The following AGPAT5 variants were observed in gnomAD, a reference collection of about 807,000 sequenced individuals.
AGPAT5 encodes 1-acylglycerol-3-phosphate O-acyltransferase 5.
A neutral mutation model predicts 45.6 loss-of-function variants in AGPAT5; 46 were observed. The observed-to-expected ratio is 1.01, with a 90% CI of 0.80 to 1.29. The LOEUF (loss-of-function observed/expected upper bound fraction) is 1.29, where lower values mean the gene tolerates loss of function less well. AGPAT5 is among the 50% of genes most tolerant of loss of function. The pLI, the probability that AGPAT5 is intolerant of heterozygous loss-of-function variation, is 0.00. For synonymous variants in AGPAT5, 272 were observed against 167.0 expected, an observed-to-expected ratio of 1.63 and a Z score of -4.85; for missense variants, 673 against 450.7, an observed-to-expected ratio of 1.49 and a Z score of -4.47.
At chr8:6,733,270 A>G (rs1800933008) in intron 4 of AGPAT5, among the ~76,000 whole-genome samples, 1 of 152,138 alleles carries the variant, frequency 6.6e-6, no homozygotes, top group African/African-American at 2.4e-5. Flanking sequence ...AGTACATGAC[A>G]TGTGCTCAGA....
intron 2 of AGPAT5, among the ~76,000 whole-genome samples, chr8:6,730,254 A>G (rs1800816651): frequency 6.6e-6 from 1 of 151,712 alleles, no homozygotes; most frequent in Admixed American, 6.6e-5. Flanking sequence ...AAAAAACAGA[A>G]AATGTATATT....
chr8:6,741,368 C>G (rs953777118), intron 4 of AGPAT5, among the ~76,000 whole-genome samples: 7 of 152,090 alleles, frequency 4.6e-5, no homozygotes, highest in African/African-American at 1.7e-4. Context: ...GTTTCATGGC[C>G]TATTTTTAAT....
intron 1 of AGPAT5, among the ~76,000 whole-genome samples, chr8:6,722,086 G>A (rs1800521953): frequency 6.6e-6 from 1 of 152,122 alleles, no homozygotes; most frequent in South Asian, 2.1e-4. Context: ...TCCCAGGGGT[G>A]GTAAATTGTG....
chr8:6,736,015 G>T (rs946159312), intron 4 of AGPAT5, among the ~76,000 whole-genome samples: 4 of 151,824 alleles, frequency 2.6e-5, no homozygotes, highest in African/African-American at 9.7e-5. Context: ...CGCCATGCCC[G>T]GCTAATTTTT....
chr8:6,742,424 C>T (rs1009767037), intron 5 of AGPAT5, among the ~76,000 whole-genome samples: 2 of 152,184 alleles, frequency 1.3e-5, no homozygotes, highest in African/African-American at 4.8e-5. Flanking sequence ...AAAACAGTGG[C>T]TATGCTATGT....
chr8:6,739,811 G>T (rs1157070205), intron 4 of AGPAT5, among the ~76,000 whole-genome samples: 1 of 152,020 alleles, frequency 6.6e-6, no homozygotes, highest in African/African-American at 2.4e-5. Context: ...TGGTGTGAGG[G>T]AAATCCTTTC....
intron 1 of AGPAT5, among the ~76,000 whole-genome samples, chr8:6,719,950 T>C (rs944769868): frequency 6.6e-6 from 1 of 152,160 alleles, no homozygotes; most frequent in Non-Finnish European, 1.5e-5. Flanking sequence ...TGACTCTCGA[T>C]TGAAGAGAAG....
rs141376267 is a variant in AGPAT5 at position 6,737,713 on chromosome 8, T to C, written c.496-3948T>C. ...GGAGGCAGCCTGGTGGATAAGAGTA[T>C]TGGTTTTGAAATTAGATTCAGGTTT... On this transcript the variant is annotated intron_variant, in intron 4 of 7. Coordinates refer to ENST00000285518, the MANE Select transcript of AGPAT5 (RefSeq NM_018361.5). 3.9e-5 allele frequency among the ~76,000 whole-genome samples: 6 copies of C among 152,352 alleles called. No individual in the cohort carries two copies. In the South Asian group the frequency reaches 6.2e-4, roughly 16 times the overall value.
intron 3 of AGPAT5, 98 bp downstream of exon 3, chr8:6,730,924 A>G (rs1237454287): frequency 8.2e-6 from 6 of 728,620 alleles, no homozygotes; most frequent in Non-Finnish European, 1.3e-5. Flanking sequence ...GGCTGAGTGC[A>G]GTGGTGTGAA....
intron 7 of AGPAT5, among the ~76,000 whole-genome samples, chr8:6,755,557 G>C (rs1364643642): frequency 6.6e-6 from 1 of 152,204 alleles, no homozygotes; most frequent in Admixed American, 6.5e-5. Flanking sequence ...GCGCAGAAAA[G>C]CAAGGGAGGG....
chr8:6,722,959 A>T (rs1800558259), intron 1 of AGPAT5, among the ~76,000 whole-genome samples: 2 of 152,224 alleles, frequency 1.3e-5, no homozygotes. Context: ...GAAAAGCCGT[A>T]TGTTTTCTTG....
intron 1 of AGPAT5, among the ~76,000 whole-genome samples, chr8:6,724,495 C>T (rs142159035): frequency 0.01 from 1,527 of 152,196 alleles, 21 homozygotes; most frequent in African/African-American, 0.035. Flanking sequence ...ATAGTATTTG[C>T]GTTATGTCTC....
chr8:6,709,605 G>A (rs564947077), intron 1 of AGPAT5: 3 of 151,648 alleles, frequency 2.0e-5, no homozygotes, highest in African/African-American at 7.2e-5. Context: ...TTCTCAGTTT[G>A]AAAGAACAGC....
chr8:6,760,836 T>C lies in AGPAT5; in HGVS notation c.*3448T>C, dbSNP rs1259823642. 6.6e-6 allele frequency among the ~76,000 whole-genome samples: 1 copy of C among 152,234 alleles called. No individual in the cohort carries two copies. Among genetic ancestry groups the C allele is most frequent in the Non-Finnish European group, 1.5e-5 (1 of 68,040 alleles). On this transcript the variant is annotated 3_prime_UTR_variant, in exon 8 of 8. Transcript: ENST00000285518. Reference sequence around the variant, plus strand: ...ATCATTAGAATCAAAATTAGTACTTTGGTCAAAATATTTACAACATTCACA... The same window carrying C: ...ATCATTAGAATCAAAATTAGTACTTCGGTCAAAATATTTACAACATTCACA...
intron 3 of AGPAT5, among the ~76,000 whole-genome samples, chr8:6,732,158 A>T (rs1014828518): frequency 1.6e-5 from 2 of 125,678 alleles, no homozygotes; most frequent in African/African-American, 3.4e-5. Context: ...TTGATTTTTT[A>T]AAATCCCTAA....
intron 1 of AGPAT5, among the ~76,000 whole-genome samples, chr8:6,711,533 A>C (rs1311060288): frequency 6.6e-6 from 1 of 152,202 alleles, no homozygotes; most frequent in Non-Finnish European, 1.5e-5. Context: ...GTAATTTGAG[A>C]CTATTGAAAA....
At chr8:6,715,536 GC>G (rs1437703806) in intron 1 of AGPAT5, among the ~76,000 whole-genome samples, 4 of 152,132 alleles carry the variant, frequency 2.6e-5, no homozygotes, top group African/African-American at 9.7e-5. Context: ...TACAAAGTAG[GC>G]ACCATTCTTC....
At chr8:6,717,117 G>C (rs1030276068) in intron 1 of AGPAT5, among the ~76,000 whole-genome samples, 2 of 152,206 alleles carry the variant, frequency 1.3e-5, no homozygotes, top group African/African-American at 4.8e-5. Flanking sequence ...TTCTCACGCA[G>C]CCAGCAGTGC....
rs1801621046 is a variant in AGPAT5, at chr8:6,750,413, A to G, written c.745+2585A>G. Reference sequence around the variant, plus strand: ...ATTACAAATTGTCTCCTTTTGAAAGATTGACCTTTCTGACTTACCCAGATA... The same window carrying G: ...ATTACAAATTGTCTCCTTTTGAAAGGTTGACCTTTCTGACTTACCCAGATA... On this transcript the variant is annotated intron_variant, in intron 6 of 7. Coordinates refer to ENST00000285518, the MANE Select transcript of AGPAT5 (RefSeq NM_018361.5). Among the ~76,000 whole-genome samples the G allele has an allele frequency of 2.0e-5, 3 of 152,224 alleles. No homozygotes were observed. The East Asian group carries it at 5.8e-4, about 29-fold the overall frequency.
Sources: gnomAD v4.1 joint callset for allele counts (sites outside exome capture counted in the v4.1 genomes callset) on GRCh38, gnomAD v4.1.1 for gene constraint, MANE v1.5 for transcripts, NCBI Gene and HGNC (gene_info 2026-07-23, HGNC 2026-07-21) for gene names.